PARN: variants seen among roughly 807,000 people sequenced by gnomAD.
PARN encodes poly(A)-specific ribonuclease PARN.
A neutral mutation model predicts 102.8 loss-of-function variants in PARN; 71 were observed. The observed-to-expected ratio is 0.69, with a 90% CI of 0.57 to 0.84. The LOEUF (loss-of-function observed/expected upper bound fraction) is 0.84, where lower values mean the gene tolerates loss of function less well. PARN is among the 40% of genes least tolerant of loss of function. The probability of loss-of-function intolerance (pLI) is 0.00; values close to 1 mark genes in which losing one functional copy is unlikely to be tolerated. For synonymous variants in PARN, 261 were observed against 252.9 expected (o/e 1.03, Z -0.30); for missense variants, 782 against 760.9 (o/e 1.03, Z -0.33).
intron 21 of PARN, among the ~76,000 whole-genome samples, chr16:14,485,708 G>C (rs1963637231): frequency 6.7e-6 from 1 of 148,414 alleles, no homozygotes; most frequent in South Asian, 2.1e-4. Flanking sequence ...TTATTTATTT[G>C]AGACAGTCTT....
At chr16:14,560,867 C>T (rs764720725) in intron 18 of PARN, among the ~76,000 whole-genome samples, 1 of 152,170 alleles carries the variant, frequency 6.6e-6, no homozygotes, top group African/African-American at 2.4e-5. Context: ...GTGAAACAGG[C>T]GGTATAGGCC....
intron 22 of PARN, among the ~76,000 whole-genome samples, chr16:14,450,929 T>A (rs774073950): frequency 1.3e-5 from 2 of 151,620 alleles, no homozygotes; most frequent in Non-Finnish European, 1.5e-5. Context: ...TAGCAATCCA[T>A]GAGTCTACAT....
chr16:14,489,535 A>G (rs1158438267), intron 21 of PARN, among the ~76,000 whole-genome samples: 1 of 152,096 alleles, frequency 6.6e-6, no homozygotes, highest in Admixed American at 6.5e-5. Context: ...TTAAGTGAGA[A>G]GGTCTCTTTA....
intron 12 of PARN, among the ~76,000 whole-genome samples, chr16:14,594,279 C>T (rs1383948816): frequency 6.6e-6 from 1 of 152,208 alleles, no homozygotes; most frequent in East Asian, 1.9e-4. Flanking sequence ...AATATATGTG[C>T]TGGCAGCCCT....
At chr16:14,597,832 C>A (rs1441914981) in intron 12 of PARN, among the ~76,000 whole-genome samples, 1 of 152,086 alleles carries the variant, frequency 6.6e-6, no homozygotes, top group Non-Finnish European at 1.5e-5. Flanking sequence ...AAACAGCAAT[C>A]AATACCATTC....
intron 9 of PARN, among the ~76,000 whole-genome samples, chr16:14,606,843 G>A (rs925644349): frequency 6.7e-6 from 1 of 150,368 alleles, no homozygotes; most frequent in East Asian, 2.0e-4. Context: ...GGGCAGTGGC[G>A]CGATCTCGGC....
intron 16 of PARN, among the ~76,000 whole-genome samples, chr16:14,582,741 C>A (rs1969609183): frequency 2.6e-5 from 4 of 152,082 alleles, no homozygotes; most frequent in Non-Finnish European, 5.9e-5. Flanking sequence ...CTCTGCTCCA[C>A]CACTTATTTG....
At chr16:14,596,698 G>A (rs1970536358) in intron 12 of PARN, among the ~76,000 whole-genome samples, 1 of 151,908 alleles carries the variant, frequency 6.6e-6, no homozygotes, top group Non-Finnish European at 1.5e-5. Context: ...GTGAGCCAGT[G>A]TACTCCCAGC....
intron 21 of PARN, among the ~76,000 whole-genome samples, chr16:14,504,798 C>A (rs1964803600): frequency 6.6e-6 from 1 of 152,124 alleles, no homozygotes; most frequent in Non-Finnish European, 1.5e-5. Flanking sequence ...ATAAAAAAAT[C>A]TTTGCCCTCC....
At chr16:14,612,543 T>C (rs1971579293) in intron 6 of PARN, among the ~76,000 whole-genome samples, 1 of 152,094 alleles carries the variant, frequency 6.6e-6, no homozygotes, top group Non-Finnish European at 1.5e-5. Context: ...GAAAAATAGG[T>C]ATCGGGGTCC....
intron 21 of PARN, among the ~76,000 whole-genome samples, chr16:14,545,682 G>A (rs187861770): frequency 1.6e-4 from 25 of 152,148 alleles, no homozygotes; most frequent in Admixed American, 1.2e-3. Context: ...TAAACATTGG[G>A]GCAGACTTGT....
chr16:14,611,177 G>C (rs1188344213), intron 6 of PARN, among the ~76,000 whole-genome samples: 1 of 152,226 alleles, frequency 6.6e-6, no homozygotes, highest in Non-Finnish European at 1.5e-5. Context: ...AGGAGCTAGG[G>C]GAAGAGTCCT....
intron 22 of PARN, among the ~76,000 whole-genome samples, chr16:14,476,854 T>C (rs959967912): frequency 2.0e-5 from 3 of 151,778 alleles, no homozygotes; most frequent in African/African-American, 7.3e-5. Flanking sequence ...AAAAAGTCAA[T>C]AGAGAAGATA....
chr16:14,620,240 G>A (rs1041401452), intron 5 of PARN, among the ~76,000 whole-genome samples: 26 of 151,860 alleles, frequency 1.7e-4, no homozygotes, highest in African/African-American at 6.1e-4. Context: ...AGCCAGGCGC[G>A]GTAGTGGGCA....
At chr16:14,466,916 T>C (rs1962394798) in intron 22 of PARN, among the ~76,000 whole-genome samples, 1 of 152,116 alleles carries the variant, frequency 6.6e-6, no homozygotes, top group Non-Finnish European at 1.5e-5. Flanking sequence ...AATCCCCTAA[T>C]GGCATCTGGG....
intron 22 of PARN, among the ~76,000 whole-genome samples, chr16:14,476,125 T>C (rs750462009): frequency 2.0e-5 from 3 of 152,236 alleles, no homozygotes; most frequent in Non-Finnish European, 4.4e-5. Context: ...AGAGTAGTGC[T>C]TGGCCAATAG....
chr16:14,584,024 T>C (rs575808113), intron 16 of PARN, among the ~76,000 whole-genome samples: 11 of 152,354 alleles, frequency 7.2e-5, no homozygotes, highest in Middle Eastern at 3.4e-3. Flanking sequence ...TCTTTGTCTC[T>C]GCTTCAATAA....
At chr16:14,629,293 G>GA (rs963821028) in intron 2 of PARN, among the ~76,000 whole-genome samples, 27 of 151,900 alleles carry the variant, frequency 1.8e-4, no homozygotes, top group African/African-American at 2.7e-4. Context: ...TTACAATCAA[G>GA]AAAAAAAACA....
At chr16:14,587,609 C>T (rs1422883876) in intron 13 of PARN, among the ~76,000 whole-genome samples, 1 of 152,188 alleles carries the variant, frequency 6.6e-6, no homozygotes. Context: ...GCAGGCACTG[C>T]AGGTATGCAC....
Sources: gnomAD v4.1 joint callset for allele counts (sites outside exome capture counted in the v4.1 genomes callset) on GRCh38, gnomAD v4.1.1 for gene constraint, MANE v1.5 for transcripts, NCBI Gene and HGNC (gene_info 2026-07-23, HGNC 2026-07-21) for gene names.